Variants in SPAG16 observed in about 807,000 individuals in gnomAD.
SPAG16 encodes the protein sperm-associated antigen 16 protein.
SPAG16 carries 86 observed loss-of-function variants against 80.4 expected under a neutral mutation model. That is an observed-to-expected ratio of 1.07 (90% confidence interval 0.90 to 1.28). The LOEUF (loss-of-function observed/expected upper bound fraction) is 1.28, where lower values mean the gene tolerates loss of function less well. Among genes scored for constraint, SPAG16 ranks in the 50% most tolerant of loss-of-function variants. SPAG16 has a pLI of 0.00. For synonymous variants in SPAG16, 294 were observed against 265.9 expected (o/e 1.11, Z -1.03); for missense variants, 870 against 765.3 (o/e 1.14, Z -1.61).
Position 213,402,247 on chromosome 2 carries a change from C to T in SPAG16, c.942+27128C>T, listed in dbSNP as rs1176231370. Among the ~76,000 whole-genome samples, 4 of 152,010 alleles carry T rather than the reference C, an allele frequency of 2.6e-5. No homozygotes were observed. In the East Asian group the frequency reaches 7.7e-4, roughly 29 times the overall value. On this transcript the variant is annotated intron_variant, in intron 9 of 15. Transcript: ENST00000331683. Reference sequence around the variant, plus strand: ...TTTATCATTTCTCAGAATTCACACTCATGATTGCAGTAAATATTTCCTTTC... The same window carrying T: ...TTTATCATTTCTCAGAATTCACACTTATGATTGCAGTAAATATTTCCTTTC...
At chr2:213,453,182 T>C (rs1259299821) in intron 9 of SPAG16, among the ~76,000 whole-genome samples, 1 of 152,236 alleles carries the variant, frequency 6.6e-6, no homozygotes, top group Non-Finnish European at 1.5e-5. Context: ...AATATCATTC[T>C]TGATCAATAT....
intron 10 of SPAG16, among the ~76,000 whole-genome samples, chr2:213,791,162 A>G (rs1336307528): frequency 6.6e-6 from 1 of 152,092 alleles, no homozygotes. Flanking sequence ...AATTTCTTTT[A>G]GAGCAAAACT....
At chr2:213,301,663 C>T (rs2062744883) in intron 3 of SPAG16, among the ~76,000 whole-genome samples, 1 of 152,140 alleles carries the variant, frequency 6.6e-6, no homozygotes, top group Non-Finnish European at 1.5e-5. Flanking sequence ...ATGCTTCCTT[C>T]TATTCCCACC....
chr2:213,446,343 T>C (rs1575606899), intron 9 of SPAG16, among the ~76,000 whole-genome samples: 1 of 151,956 alleles, frequency 6.6e-6, no homozygotes, highest in African/African-American at 2.4e-5. Flanking sequence ...CCAAGCAAAA[T>C]AGTAAAATGA....
chr2:214,042,185 G>C (rs1018792815), intron 13 of SPAG16, among the ~76,000 whole-genome samples: 1 of 150,232 alleles, frequency 6.7e-6, no homozygotes. Context: ...TCCTGGGTTC[G>C]TGGGTCCAAG....
chr2:213,859,962 T>C (rs1333030308), intron 10 of SPAG16, among the ~76,000 whole-genome samples: 1 of 152,128 alleles, frequency 6.6e-6, no homozygotes, highest in African/African-American at 2.4e-5. Flanking sequence ...ACATTAAATT[T>C]TCAAACAATG....
intron 10 of SPAG16, among the ~76,000 whole-genome samples, chr2:213,573,110 CGCACCCACTGGCCT>C (rs895575588): frequency 1.8e-4 from 27 of 152,166 alleles, no homozygotes; most frequent in Non-Finnish European, 3.1e-4. Context: ...GCACGGTGCG[CGCACCCACTGGCCT>C]GCGCCCACTG....
intron 11 of SPAG16, among the ~76,000 whole-genome samples, chr2:213,909,749 C>T (rs909008873): frequency 1.3e-5 from 2 of 152,120 alleles, no homozygotes; most frequent in Non-Finnish European, 2.9e-5. Context: ...AAGACTTAAA[C>T]GTTAGACCAA....
intron 11 of SPAG16, among the ~76,000 whole-genome samples, chr2:213,920,458 T>C (rs918599509): frequency 2.0e-5 from 3 of 152,124 alleles, no homozygotes; most frequent in Non-Finnish European, 2.9e-5. Flanking sequence ...CGTACACACA[T>C]GTTGGCAATG....
chr2:213,893,798 A>G (rs2076884939), intron 11 of SPAG16, among the ~76,000 whole-genome samples: 1 of 152,136 alleles, frequency 6.6e-6, no homozygotes, highest in Admixed American at 6.6e-5. Context: ...GAGAAAATCA[A>G]AATCTTTTAA....
At chr2:213,396,586 A>G (rs1285397487) in intron 9 of SPAG16, 4 of 454,260 alleles carry the variant, frequency 8.8e-6, no homozygotes, top group Middle Eastern at 6.5e-4. Flanking sequence ...TGCCTCCATC[A>G]GCAGCAGTGG....
intron 11 of SPAG16, among the ~76,000 whole-genome samples, chr2:213,901,537 C>A (rs2077221460): frequency 6.6e-6 from 1 of 152,006 alleles, no homozygotes; most frequent in African/African-American, 2.4e-5. Flanking sequence ...AAAAGTAATT[C>A]TATGCTGGTG....
chr2:213,937,836 G>A (rs979884627), intron 12 of SPAG16, among the ~76,000 whole-genome samples: 80 of 151,884 alleles, frequency 5.3e-4, no homozygotes, highest in Admixed American at 1.4e-3. Flanking sequence ...TCAAGTAAGT[G>A]TCCACTGCAA....
intron 10 of SPAG16, among the ~76,000 whole-genome samples, chr2:213,681,056 G>C (rs142460395): frequency 6.5e-4 from 99 of 152,230 alleles, no homozygotes; most frequent in African/African-American, 2.2e-3. Flanking sequence ...AGAGAGAGCA[G>C]GTTATAAAAT....
At position 214,335,808 on chromosome 2, in the gene SPAG16, G is replaced by C. The variant is rs1475744106; in HGVS notation, c.1721-74332G>C. Reference sequence around the variant, plus strand: ...GGAGTCTCACTCTGTCGCCAGGCTGGAGTGCAGTGGCACAATCTCGGCTCA... The same window carrying C: ...GGAGTCTCACTCTGTCGCCAGGCTGCAGTGCAGTGGCACAATCTCGGCTCA... On this transcript the variant is annotated intron_variant, in intron 15 of 15. Transcript: ENST00000331683. 2.1e-5 allele frequency among the ~76,000 whole-genome samples: 3 copies of C among 142,520 alleles called. No homozygotes were observed. The East Asian group carries it at 6.0e-4, about 28-fold the overall frequency. 93.5% of individuals were successfully genotyped at this position (142,520 alleles called of 152,430 possible).
chr2:214,089,887 T>C (rs760794573), intron 13 of SPAG16, among the ~76,000 whole-genome samples: 8 of 152,098 alleles, frequency 5.3e-5, no homozygotes, highest in Non-Finnish European at 8.8e-5. Flanking sequence ...ATTTACTAAA[T>C]ATCAACTTCT....
intron 10 of SPAG16, among the ~76,000 whole-genome samples, chr2:213,661,732 AATG>A (rs2063433381): frequency 6.6e-6 from 1 of 152,206 alleles, no homozygotes; most frequent in African/African-American, 2.4e-5. Context: ...ACAGCATTTT[AATG>A]ATAATGTTAT....
rs1232562370 is a variant in SPAG16, at chr2:213,769,041, G to A, written c.1071-93444G>A. Among the ~76,000 whole-genome samples the A allele has an allele frequency of 2.0e-5, 3 of 152,094 alleles. No homozygotes were observed. The South Asian group carries it at 6.2e-4, about 32-fold the overall frequency. ...GAATTAGTTGATGATATTATAAAAA[G>A]GGTGAGGTCAGGTAGGAAAAGGATG... is the stretch of plus-strand genomic sequence containing the variant. On this transcript the variant is annotated intron_variant, in intron 10 of 15. Coordinates refer to ENST00000331683, the MANE Select transcript of SPAG16 (RefSeq NM_024532.5).
rs546729558 is a variant in SPAG16 at position 213,982,158 on chromosome 2, C to G, written c.1401-31793C>G. On this transcript the variant is annotated intron_variant, in intron 12 of 15. Coordinates refer to ENST00000331683, the MANE Select transcript of SPAG16 (RefSeq NM_024532.5). Reference sequence around the variant, plus strand: ...CTACATTCAATTTGTATTCAATTTGCGACAATTTAAAAGTTATTAACCTAT... The same window carrying G: ...CTACATTCAATTTGTATTCAATTTGGGACAATTTAAAAGTTATTAACCTAT... 4.7e-5 allele frequency among the ~76,000 whole-genome samples: 7 copies of G among 149,168 alleles called. No individual in the cohort carries two copies. The South Asian group carries it at 1.5e-3, about 31-fold the overall frequency.
Sources: gnomAD v4.1 joint callset for allele counts (sites outside exome capture counted in the v4.1 genomes callset) on GRCh38, gnomAD v4.1.1 for gene constraint, MANE v1.5 for transcripts, NCBI Gene and HGNC (gene_info 2026-07-23, HGNC 2026-07-21) for gene names.